FBXW11: variants seen among roughly 807,000 people sequenced by gnomAD.
FBXW11 encodes the protein F-box/WD repeat-containing protein 11.
In FBXW11, 19 loss-of-function variants were observed where a neutral mutation model predicts 77.6. The ratio of observed to expected loss-of-function variants is 0.24; its 90% CI spans 0.17 to 0.36. The LOEUF is 0.36. Among genes scored for constraint, FBXW11 ranks in the 10% least tolerant of loss-of-function variants. The pLI, the probability that FBXW11 is intolerant of heterozygous loss-of-function variation, is 1.00. For synonymous variants in FBXW11, 235 were observed against 249.4 expected, an observed-to-expected ratio of 0.94 and a Z score of 0.54; for missense variants, 334 against 704.2, an observed-to-expected ratio of 0.47 and a Z score of 5.95.
intron 1 of FBXW11, among the ~76,000 whole-genome samples, chr5:171,977,385 ACCC>A (rs1366561115): frequency 2.0e-4 from 30 of 152,088 alleles, no homozygotes; most frequent in African/African-American, 6.8e-4. Context: ...TTTATAAATT[ACCC>A]AGTCTCAGGT....
intron 1 of FBXW11, among the ~76,000 whole-genome samples, chr5:171,974,523 A>T (rs1238442686): frequency 6.6e-6 from 1 of 152,052 alleles, no homozygotes; most frequent in Non-Finnish European, 1.5e-5. Context: ...TTAATTGCTT[A>T]TAAGTTTCCC....
At chr5:171,970,662 C>A (rs1434797138) in intron 1 of FBXW11, among the ~76,000 whole-genome samples, 1 of 152,096 alleles carries the variant, frequency 6.6e-6, no homozygotes, top group Non-Finnish European at 1.5e-5. Flanking sequence ...TATACATACG[C>A]CCACACAGAG....
intron 3 of FBXW11, among the ~76,000 whole-genome samples, chr5:171,913,447 GGTACAAAACTCAGTCT>G (rs1761010085): frequency 6.6e-6 from 1 of 152,004 alleles, no homozygotes; most frequent in Non-Finnish European, 1.5e-5. Context: ...AAACGTGGAG[GGTACAAAACTCAGTCT>G]GTACACAGTG....
intron 1 of FBXW11, among the ~76,000 whole-genome samples, chr5:171,960,468 G>A (rs1039944066): frequency 2.0e-5 from 3 of 152,206 alleles, no homozygotes; most frequent in African/African-American, 7.2e-5. Flanking sequence ...TACTTATTCA[G>A]TAAAAAGTCA....
At chr5:171,985,333 C>G (rs1217517693) in intron 1 of FBXW11, among the ~76,000 whole-genome samples, 3 of 152,284 alleles carry the variant, frequency 2.0e-5, no homozygotes. Context: ...AGGCAGGGAT[C>G]ACACGCTCAA....
chr5:171,930,766 A>T (rs1179060662), intron 2 of FBXW11, among the ~76,000 whole-genome samples: 65 of 148,562 alleles, frequency 4.4e-4, no homozygotes, highest in African/African-American at 1.5e-3. Flanking sequence ...AAAAAATAAA[A>T]AAAAAAAAAA....
intron 1 of FBXW11, among the ~76,000 whole-genome samples, chr5:171,990,716 C>T (rs894299936): frequency 2.0e-5 from 3 of 151,832 alleles, no homozygotes; most frequent in Admixed American, 2.0e-4. Flanking sequence ...TCATATTTTA[C>T]TTAAAAAAAG....
At chr5:171,962,490 A>AGAACC (rs1344502193) in intron 1 of FBXW11, among the ~76,000 whole-genome samples, 3 of 152,250 alleles carry the variant, frequency 2.0e-5, no homozygotes, top group Non-Finnish European at 4.4e-5. Flanking sequence ...TGTAGGTTCT[A>AGAACC]TAGCTGAAGA....
At chr5:171,937,393 G>A (rs1762532508) in intron 2 of FBXW11, among the ~76,000 whole-genome samples, 1 of 152,164 alleles carries the variant, frequency 6.6e-6, no homozygotes, top group Non-Finnish European at 1.5e-5. Flanking sequence ...AGCTTTTTCT[G>A]TAAAGGGTCA....
chr5:171,865,927 T>C (rs575329092), intron 13 of FBXW11, among the ~76,000 whole-genome samples: 18 of 152,234 alleles, frequency 1.2e-4, no homozygotes, highest in Admixed American at 1.2e-3. Flanking sequence ...GCATAAATCT[T>C]ATGGTATCAC....
At chr5:171,886,875 C>T (rs1007250053) in intron 7 of FBXW11, among the ~76,000 whole-genome samples, 1 of 151,998 alleles carries the variant, frequency 6.6e-6, no homozygotes, top group African/African-American at 2.4e-5. Flanking sequence ...ATTAGCCAGG[C>T]CTGGTGGCAG....
intron 1 of FBXW11, chr5:171,996,933 T>C (rs780772480): frequency 7.8e-7 from 1 of 1,289,716 alleles, no homozygotes; most frequent in South Asian, 1.2e-5. Flanking sequence ...CCAGAATGAA[T>C]GGGGGTTTTC....
intron 6 of FBXW11, among the ~76,000 whole-genome samples, chr5:171,892,352 T>C (rs1314899891): frequency 1.3e-5 from 2 of 152,206 alleles, no homozygotes; most frequent in African/African-American, 2.4e-5. Context: ...GAAGTACTTA[T>C]TATTTCCTTT....
At position 171,871,093 on chromosome 5, in the gene FBXW11, T is replaced by G. The variant is rs1757726860; in HGVS notation, c.1341-235A>C. On this transcript the variant is annotated intron_variant, in intron 10 of 13. Transcript: ENST00000517395. ...GCCTTACTTTTTATTCTATTTCCTT[T>G]TATATGATTTGAAACTGTTTTTAAT... Among the ~76,000 whole-genome samples, 3 of 152,356 alleles carry G rather than the reference T, an allele frequency of 2.0e-5. No homozygotes were observed. The South Asian group carries it at 6.2e-4, about 32-fold the overall frequency.
intron 2 of FBXW11, among the ~76,000 whole-genome samples, chr5:171,944,937 T>G (rs916505694): frequency 2.0e-5 from 3 of 152,226 alleles, no homozygotes. Flanking sequence ...CAGCTTATTA[T>G]GCTTATTCTT....
chr5:171,939,097 C>T (rs1581229471), intron 2 of FBXW11, among the ~76,000 whole-genome samples: 1 of 151,974 alleles, frequency 6.6e-6, no homozygotes, highest in South Asian at 2.1e-4. Flanking sequence ...AATAGTGGGG[C>T]GTAGTGGCAG....
intron 2 of FBXW11, among the ~76,000 whole-genome samples, chr5:171,926,032 C>A (rs554884475): frequency 3.3e-5 from 5 of 152,324 alleles, no homozygotes; most frequent in Non-Finnish European, 4.4e-5. Flanking sequence ...TTTACAAAAG[C>A]AACCATGTGC....
intron 1 of FBXW11, among the ~76,000 whole-genome samples, chr5:171,998,668 A>G (rs1247565146): frequency 1.3e-5 from 2 of 151,562 alleles, no homozygotes; most frequent in Admixed American, 1.3e-4. Flanking sequence ...CTGGTGGCAC[A>G]TGCCTACAAT....
At chr5:171,984,666 G>A (rs1323268484) in intron 1 of FBXW11, among the ~76,000 whole-genome samples, 1 of 152,156 alleles carries the variant, frequency 6.6e-6, no homozygotes. Context: ...ACTTCTAGTA[G>A]CGATTGTAGG....
Sources: allele counts gnomAD v4.1 joint callset (sites outside exome capture counted in the v4.1 genomes callset), GRCh38; gene constraint gnomAD v4.1.1; transcripts MANE v1.5; gene names NCBI Gene and HGNC (gene_info 2026-07-23, HGNC 2026-07-21).